Variants in SLC38A1 observed in about 807,000 individuals in gnomAD.
SLC38A1 encodes solute carrier family 38 member 1, also known as sodium-coupled neutral amino acid symporter 1.
Under a neutral mutation model 60.3 loss-of-function variants are expected in SLC38A1, and 18 were observed. The ratio of observed to expected loss-of-function variants is 0.30; its 90% CI spans 0.21 to 0.44. The LOEUF (loss-of-function observed/expected upper bound fraction) is 0.44. SLC38A1 is among the 20% of genes least tolerant of loss of function. The pLI, the probability that SLC38A1 is intolerant of heterozygous loss-of-function variation, is 1.00. For synonymous variants in SLC38A1, 196 were observed against 212.1 expected (o/e 0.92, Z 0.66); for missense variants, 448 against 587.2 (o/e 0.76, Z 2.45).
intron 5 of SLC38A1, among the ~76,000 whole-genome samples, chr12:46,214,489 T>C (rs1940316590): frequency 6.6e-6 from 1 of 152,246 alleles, no homozygotes; most frequent in Non-Finnish European, 1.5e-5. Flanking sequence ...ATTATTTTCA[T>C]ATTTAAAAGT....
intron 1 of SLC38A1, among the ~76,000 whole-genome samples, chr12:46,251,689 C>T (rs1376110841): frequency 6.6e-6 from 1 of 152,110 alleles, no homozygotes; most frequent in African/African-American, 2.4e-5. Flanking sequence ...TATGAACAGA[C>T]ACTTCTCAAA....
At chr12:46,219,879 C>T (rs983808156) in intron 5 of SLC38A1, among the ~76,000 whole-genome samples, 9 of 152,218 alleles carry the variant, frequency 5.9e-5, no homozygotes, top group African/African-American at 2.2e-4. Context: ...TGGATAGGAC[C>T]AAGGCACCTG....
chr12:46,208,384 A>T (rs1458907772), intron 6 of SLC38A1, among the ~76,000 whole-genome samples: 2 of 152,190 alleles, frequency 1.3e-5, no homozygotes, highest in East Asian at 3.8e-4. Context: ...CTATAATTAA[A>T]CCTTTGTTTA....
At chr12:46,255,746 G>C (rs1401323860) in intron 1 of SLC38A1, among the ~76,000 whole-genome samples, 1 of 152,210 alleles carries the variant, frequency 6.6e-6, no homozygotes, top group African/African-American at 2.4e-5. Flanking sequence ...ATAGCACACA[G>C]AAGTGCAGAT....
intron 16 of SLC38A1, among the ~76,000 whole-genome samples, chr12:46,194,873 T>G (rs957085781): frequency 6.6e-6 from 1 of 152,174 alleles, no homozygotes; most frequent in African/African-American, 2.4e-5. Flanking sequence ...TGCGATGGGT[T>G]AGAAGATGCT....
intron 5 of SLC38A1, among the ~76,000 whole-genome samples, chr12:46,223,676 G>A (rs1463283304): frequency 6.6e-6 from 1 of 152,038 alleles, no homozygotes; most frequent in African/African-American, 2.4e-5. Context: ...TTAAACTATT[G>A]TTTTACACAC....
intron 1 of SLC38A1, among the ~76,000 whole-genome samples, chr12:46,257,974 T>G (rs1942085238): frequency 6.6e-6 from 1 of 152,208 alleles, no homozygotes; most frequent in Non-Finnish European, 1.5e-5. Context: ...TGCTGGTTGC[T>G]GATTATGATT....
At chr12:46,263,236 C>T (rs1187375984) in intron 1 of SLC38A1, among the ~76,000 whole-genome samples, 1 of 151,974 alleles carries the variant, frequency 6.6e-6, no homozygotes, top group Non-Finnish European at 1.5e-5. Flanking sequence ...TGTTAAGATC[C>T]CCAGATTGAG....
At chr12:46,212,444 C>A (rs1007660797) in intron 5 of SLC38A1, among the ~76,000 whole-genome samples, 27 of 152,162 alleles carry the variant, frequency 1.8e-4, no homozygotes, top group African/African-American at 6.5e-4. Flanking sequence ...GACTACAGAT[C>A]AGCAATTGAT....
chr12:46,239,767 C>G lies in SLC38A1; in HGVS notation c.34G>C (p.Glu12Gln). ...MHFKSGLELT[E>Q]LQNMTVPEDD... Reference sequence around the variant, plus strand: ...TCGGGCACTGTCATGTTTTGCAACTCAGTTAATTCGAGTCCACTTTTGAAA... The same window carrying G: ...TCGGGCACTGTCATGTTTTGCAACTGAGTTAATTCGAGTCCACTTTTGAAA... Residue 12 changes from glutamate (E) to glutamine (Q), a missense_variant, in exon 3 of 17, where the codon GAG (glutamate) becomes CAG (glutamine). Glu to Gln is a conservative substitution (Grantham distance 29). This residue lies in a region of SLC38A1 where 102 missense variants were observed against 89.7 expected (regional missense o/e 1.14). Transcript: ENST00000398637. 6.2e-7 allele frequency: 1 copy of G among 1,613,214 alleles called. No homozygotes were observed. The highest frequency in any genetic ancestry group is 2.2e-5 in the East Asian group (1 of 44,872).
intron 5 of SLC38A1, among the ~76,000 whole-genome samples, chr12:46,210,936 T>A (rs1405159310): frequency 1.3e-5 from 2 of 152,048 alleles, no homozygotes; most frequent in Admixed American, 6.6e-5. Context: ...TCTCTTCAGG[T>A]TGAGGGATGT....
intron 5 of SLC38A1, among the ~76,000 whole-genome samples, chr12:46,222,398 G>A (rs1471668199): frequency 6.6e-6 from 1 of 152,038 alleles, no homozygotes; most frequent in Non-Finnish European, 1.5e-5. Context: ...GCAATATAAT[G>A]TATACATATA....
chr12:46,226,030 A>C (rs1940850086), intron 5 of SLC38A1, among the ~76,000 whole-genome samples: 2 of 152,356 alleles, frequency 1.3e-5, no homozygotes, highest in South Asian at 4.1e-4. Context: ...AACATAACAT[A>C]ATCAAAGCAA....
At chr12:46,228,158 T>C (rs1393248038) in intron 5 of SLC38A1, among the ~76,000 whole-genome samples, 1 of 152,248 alleles carries the variant, frequency 6.6e-6, no homozygotes, top group East Asian at 1.9e-4. Context: ...CACAGTCTTT[T>C]AATTTTAGAA....
intron 1 of SLC38A1, among the ~76,000 whole-genome samples, chr12:46,253,403 A>T (rs1941922519): frequency 6.6e-6 from 1 of 152,204 alleles, no homozygotes; most frequent in South Asian, 2.1e-4. Context: ...TTTGTTGATG[A>T]TATGCTAAAC....
At chr12:46,221,828 G>A (rs1337832429) in intron 5 of SLC38A1, among the ~76,000 whole-genome samples, 1 of 152,150 alleles carries the variant, frequency 6.6e-6, no homozygotes, top group African/African-American at 2.4e-5. Context: ...AAATGACACT[G>A]AAAAGGAAAG....
chr12:46,198,402 A>G (rs1939485729), intron 14 of SLC38A1, among the ~76,000 whole-genome samples: 1 of 152,180 alleles, frequency 6.6e-6, no homozygotes, highest in African/African-American at 2.4e-5. Flanking sequence ...GAACAGGGTC[A>G]GATTAATTAG....
At chr12:46,207,434 G>C in intron 7 of SLC38A1, 95 bp downstream of exon 7, 1 of 1,252,226 alleles carries the variant, frequency 8.0e-7, no homozygotes, top group Non-Finnish European at 1.2e-6. Flanking sequence ...TTAGCAATGA[G>C]GATGATAACT....
At chr12:46,249,171 A>AAAG (rs1056510023) in intron 1 of SLC38A1, among the ~76,000 whole-genome samples, 1 of 151,062 alleles carries the variant, frequency 6.6e-6, no homozygotes, top group African/African-American at 2.4e-5. Context: ...AAAAAAAAAA[A>AAAG]AAAAGAAACT....
Sources: allele counts gnomAD v4.1 joint callset (sites outside exome capture counted in the v4.1 genomes callset), GRCh38; gene constraint gnomAD v4.1.1; regional missense constraint gnomAD v4.1.1; transcripts MANE v1.5; gene names NCBI Gene and HGNC (gene_info 2026-07-23, HGNC 2026-07-21).